GOLM2: variants seen among roughly 807,000 people sequenced by gnomAD.
GOLM2 encodes protein GOLM2.
In GOLM2, 26 loss-of-function variants were observed where a neutral mutation model predicts 55.9. The ratio of observed to expected loss-of-function variants is 0.47; its 90% CI spans 0.34 to 0.65. The LOEUF (loss-of-function observed/expected upper bound fraction) is 0.65. GOLM2 is among the 30% of genes least tolerant of loss of function. The pLI, the probability that GOLM2 is intolerant of heterozygous loss-of-function variation, is 0.01. For synonymous variants in GOLM2, 165 were observed against 194.6 expected (o/e 0.85, Z 1.27); for missense variants, 486 against 531.8 (o/e 0.91, Z 0.85).
At chr15:44,313,330 C>T (rs2141122256) in intron 1 of GOLM2, among the ~76,000 whole-genome samples, 1 of 152,294 alleles carries the variant, frequency 6.6e-6, no homozygotes, top group African/African-American at 2.4e-5. Context: ...GCATTTTCTG[C>T]TTTCATCTGC....
rs1317708532 is a variant in GOLM2 at position 44,415,117 on chromosome 15, A to C, written c.*1711A>C. ...GTTGTTCACTTGCTGAGGTGCAAAA[A>C]TTCTTAAGACTTCTGTTTGAAATTG... is the stretch of plus-strand genomic sequence containing the variant. On this transcript the variant is annotated 3_prime_UTR_variant, in exon 10 of 10. Coordinates refer to ENST00000299957, the MANE Select transcript of GOLM2 (RefSeq NM_138423.4). 1.3e-5 allele frequency: 2 copies of C among 152,516 alleles called. No homozygotes were observed. The highest frequency in any genetic ancestry group is 1.3e-4 in the Admixed American group (2 of 15,276). 9.4% of individuals were successfully genotyped at this position (152,516 alleles called of 1,614,324 possible).
intron 1 of GOLM2, among the ~76,000 whole-genome samples, chr15:44,319,307 G>C (rs1595623852): frequency 6.6e-6 from 1 of 152,042 alleles, no homozygotes; most frequent in East Asian, 1.9e-4. Flanking sequence ...CTGACTTCTG[G>C]GCTCAAGTGA....
intron 1 of GOLM2, among the ~76,000 whole-genome samples, chr15:44,308,726 T>C (rs543648765): frequency 6.6e-6 from 1 of 152,256 alleles, no homozygotes; most frequent in Non-Finnish European, 1.5e-5. Context: ...GACTCCTGAA[T>C]AGCCGGGACT....
intron 1 of GOLM2, among the ~76,000 whole-genome samples, chr15:44,311,886 G>A (rs995401187): frequency 6.6e-6 from 1 of 152,114 alleles, no homozygotes; most frequent in East Asian, 1.9e-4. Flanking sequence ...CTGACCTCAG[G>A]TGATCCACCT....
At chr15:44,385,033 A>G (rs961712249) in intron 8 of GOLM2, among the ~76,000 whole-genome samples, 3 of 151,636 alleles carry the variant, frequency 2.0e-5, no homozygotes, top group African/African-American at 4.9e-5. Flanking sequence ...ATTTCTTTTT[A>G]TGGCTGGATA....
chr15:44,316,690 G>C (rs1393171259), intron 1 of GOLM2, among the ~76,000 whole-genome samples: 2 of 151,796 alleles, frequency 1.3e-5, no homozygotes, highest in Non-Finnish European at 2.9e-5. Flanking sequence ...GGGAGGTGGA[G>C]GTTGCAGTGA....
intron 1 of GOLM2, among the ~76,000 whole-genome samples, chr15:44,311,940 A>G (rs1276781005): frequency 6.6e-6 from 1 of 152,036 alleles, no homozygotes; most frequent in Non-Finnish European, 1.5e-5. Context: ...TTGAGCCACC[A>G]TGCCAAGTCG....
chr15:44,380,467 T>C (rs1472066595), intron 7 of GOLM2, among the ~76,000 whole-genome samples: 1 of 152,162 alleles, frequency 6.6e-6, no homozygotes, highest in Non-Finnish European at 1.5e-5. Context: ...AGATTTCTGA[T>C]AGTGATATGG....
chr15:44,402,642 C>A (rs958141488), intron 8 of GOLM2: 4 of 357,466 alleles, frequency 1.1e-5, no homozygotes, highest in Non-Finnish European at 1.5e-5. Flanking sequence ...AGAAATCATT[C>A]AAATTTTAAG....
intron 8 of GOLM2, among the ~76,000 whole-genome samples, chr15:44,395,229 C>T (rs961136454): frequency 1.3e-5 from 2 of 149,858 alleles, no homozygotes; most frequent in Admixed American, 6.7e-5. Flanking sequence ...ACTGTGGTCT[C>T]GATTTCCTGA....
chr15:44,335,096 A>C (rs1274317295), intron 4 of GOLM2, among the ~76,000 whole-genome samples: 1 of 152,170 alleles, frequency 6.6e-6, no homozygotes, highest in Non-Finnish European at 1.5e-5. Flanking sequence ...CCTGAAACAG[A>C]AAAAGGACTT....
chr15:44,327,828 G>T (rs745814089), intron 2 of GOLM2, among the ~76,000 whole-genome samples: 11 of 152,112 alleles, frequency 7.2e-5, no homozygotes, highest in African/African-American at 1.7e-4. Context: ...ATCCAGTTTG[G>T]AATTTCACAT....
intron 6 of GOLM2, among the ~76,000 whole-genome samples, chr15:44,362,068 C>CA (rs1264675769): frequency 6.6e-6 from 1 of 151,916 alleles, no homozygotes; most frequent in African/African-American, 2.4e-5. Context: ...CTATCTATGA[C>CA]AAACCCACAG....
At chr15:44,302,352 C>T (rs557906167) in intron 1 of GOLM2, among the ~76,000 whole-genome samples, 10 of 151,704 alleles carry the variant, frequency 6.6e-5, no homozygotes, top group African/African-American at 2.4e-4. Flanking sequence ...GCCATGTTGA[C>T]GAGGCTGGTC....
intron 1 of GOLM2, among the ~76,000 whole-genome samples, chr15:44,293,197 CA>C (rs2078733450): frequency 6.6e-6 from 1 of 151,974 alleles, no homozygotes; most frequent in Admixed American, 6.6e-5. Context: ...TCTAAAGTGC[CA>C]GGTGTGAGCT....
In GOLM2 at chr15:44,289,150, C is replaced by T; in HGVS notation, c.121C>T (p.Leu41=). The T allele has an allele frequency of 6.2e-7, 1 of 1,614,188 alleles. No homozygotes were observed. Among genetic ancestry groups the T allele is most frequent in the Non-Finnish European group, 8.5e-7 (1 of 1,180,024 alleles). ...NYWSISSRHV[L]LQEEVAELQG... is the part of the protein sequence containing the mutation. Reference sequence around the variant, plus strand: ...CTGGAGCATCTCCTCCCGCCACGTCCTGCTTCAGGAGGAGGTGGCCGAGCT... The same window carrying T: ...CTGGAGCATCTCCTCCCGCCACGTCTTGCTTCAGGAGGAGGTGGCCGAGCT... Residue 41 remains leucine (L), a synonymous_variant, in exon 1 of 10, where the codon CTG becomes TTG. Coordinates refer to ENST00000299957, the MANE Select transcript of GOLM2 (RefSeq NM_138423.4). This position sits in a 1 kb window ranked among gnomAD's most constrained non-coding sequence, Gnocchi z 4.8.
At chr15:44,386,856 G>A (rs749597723) in intron 8 of GOLM2, among the ~76,000 whole-genome samples, 3 of 151,900 alleles carry the variant, frequency 2.0e-5, no homozygotes, top group Non-Finnish European at 2.9e-5. Context: ...GGGTGACAAA[G>A]TGAGCCCTGT....
intron 1 of GOLM2, among the ~76,000 whole-genome samples, chr15:44,301,521 A>G (rs2078797276): frequency 6.6e-6 from 1 of 152,192 alleles, no homozygotes; most frequent in Non-Finnish European, 1.5e-5. Context: ...CAGATATGGT[A>G]TACATTGACT....
chr15:44,400,818 G>A (rs1037069522), intron 8 of GOLM2, among the ~76,000 whole-genome samples: 12 of 151,964 alleles, frequency 7.9e-5, no homozygotes, highest in South Asian at 2.1e-4. Context: ...CCTTCTGATC[G>A]CCCGCCTTGG....
Sources: gnomAD v4.1 joint callset for allele counts (sites outside exome capture counted in the v4.1 genomes callset) on GRCh38, gnomAD v4.1.1 for gene constraint, Gnocchi (gnomAD v3.1) non-coding constraint, MANE v1.5 for transcripts, NCBI Gene and HGNC (gene_info 2026-07-23, HGNC 2026-07-21) for gene names.